Variants in GRIK2 observed in about 807,000 individuals in gnomAD.
GRIK2 encodes glutamate ionotropic receptor kainate type subunit 2, also known as glutamate receptor ionotropic, kainate 2.
A neutral mutation model predicts 100.3 loss-of-function variants in GRIK2; 32 were observed. The observed-to-expected ratio is 0.32, with a 90% CI of 0.24 to 0.43. The LOEUF is 0.43. Among genes scored for constraint, GRIK2 ranks in the 20% least tolerant of loss-of-function variants. The pLI is 1.00. For missense variants in GRIK2, 843 were observed against 1,114.9 expected, an observed-to-expected ratio of 0.76 and a Z score of 3.47; for synonymous variants, 417 against 389.4, an observed-to-expected ratio of 1.07 and a Z score of -0.83.
chr6:101,489,437 C>G (rs1299613504), intron 2 of GRIK2, among the ~76,000 whole-genome samples: 1 of 145,910 alleles, frequency 6.9e-6, no homozygotes, highest in South Asian at 2.2e-4. Context: ...TTATCCTCCC[C>G]CCGCCCGCCC....
chr6:101,749,249 C>T (rs1776630981), intron 7 of GRIK2, among the ~76,000 whole-genome samples: 1 of 152,068 alleles, frequency 6.6e-6, no homozygotes, highest in African/African-American at 2.4e-5. Flanking sequence ...ACTGGGATTA[C>T]AAGTGCCCAC....
At chr6:101,692,771 T>C (rs1439048072) in intron 7 of GRIK2, among the ~76,000 whole-genome samples, 3 of 152,090 alleles carry the variant, frequency 2.0e-5, no homozygotes, top group East Asian at 1.9e-4. Flanking sequence ...ATGTTATAAC[T>C]ACTAGCCTTA....
At position 102,011,869 on chromosome 6, in the gene GRIK2, G is replaced by C. The variant is rs563945552; in HGVS notation, c.2086-23472G>C. Among the ~76,000 whole-genome samples the C allele has an allele frequency of 1.2e-4, 19 of 152,114 alleles. No individual in the cohort carries two copies. The East Asian group carries it at 3.5e-3, about 28-fold the overall frequency. On this transcript the variant is annotated intron_variant, in intron 14 of 16. Transcript: ENST00000369134. ...CCAAAGGGCTGGGATTAACAGGCGTGAGCCACCACGCCAGGCCCAAGTTAT... is the reference window on the plus strand; with the variant it reads ...CCAAAGGGCTGGGATTAACAGGCGTCAGCCACCACGCCAGGCCCAAGTTAT...
Position 101,806,219 on chromosome 6 carries a change from C to T in GRIK2, c.1203+3781C>T, listed in dbSNP as rs537052520. 4.6e-5 allele frequency among the ~76,000 whole-genome samples: 7 copies of T among 152,060 alleles called. No homozygotes were observed. The East Asian group carries it at 1.4e-3, about 29-fold the overall frequency. Reference sequence around the variant, plus strand: ...AGGCAATACTTTTGCTTATGAGAGGCTGGTATTGAGCACTCAGGAACAGGA... The same window carrying T: ...AGGCAATACTTTTGCTTATGAGAGGTTGGTATTGAGCACTCAGGAACAGGA... On this transcript the variant is annotated intron_variant, in intron 9 of 16. Transcript: ENST00000369134.
intron 2 of GRIK2, among the ~76,000 whole-genome samples, chr6:101,564,452 A>G (rs753430596): frequency 2.6e-5 from 4 of 152,186 alleles, no homozygotes; most frequent in Non-Finnish European, 4.4e-5. Flanking sequence ...CATCAACTGA[A>G]ATGGCAAAGG....
intron 2 of GRIK2, among the ~76,000 whole-genome samples, chr6:101,472,352 C>T (rs905983676): frequency 2.0e-5 from 3 of 151,696 alleles, no homozygotes; most frequent in African/African-American, 4.8e-5. Context: ...AAAGGTGCTA[C>T]AGATTACCTT....
At chr6:101,856,975 T>G (rs1784456588) in intron 10 of GRIK2, among the ~76,000 whole-genome samples, 1 of 152,054 alleles carries the variant, frequency 6.6e-6, no homozygotes, top group African/African-American at 2.4e-5. Context: ...TAGTCAAATA[T>G]TTGAAAAGTA....
chr6:102,049,683 A>G (rs1320363168), intron 15 of GRIK2, among the ~76,000 whole-genome samples: 2 of 152,174 alleles, frequency 1.3e-5, no homozygotes, highest in East Asian at 3.9e-4. Context: ...ACAGAAGTGC[A>G]TGTGGGAATA....
chr6:101,858,670 C>T (rs1332250581), intron 10 of GRIK2, among the ~76,000 whole-genome samples: 3 of 151,828 alleles, frequency 2.0e-5, no homozygotes, highest in African/African-American at 7.3e-5. Context: ...ATTACAGGTG[C>T]AAGCCATGGT....
intron 2 of GRIK2, among the ~76,000 whole-genome samples, chr6:101,591,472 A>G (rs1778635552): frequency 2.0e-5 from 3 of 152,004 alleles, no homozygotes. Flanking sequence ...ATGAAATATT[A>G]AACTATGAAC....
intron 7 of GRIK2, among the ~76,000 whole-genome samples, chr6:101,712,198 T>C (rs1225997394): frequency 6.6e-6 from 1 of 151,832 alleles, no homozygotes; most frequent in Non-Finnish European, 1.5e-5. Context: ...TTTTGGGCCA[T>C]AGGATCATAG....
At chr6:101,560,598 A>G (rs1562226598) in intron 2 of GRIK2, among the ~76,000 whole-genome samples, 1 of 152,256 alleles carries the variant, frequency 6.6e-6, no homozygotes, top group Non-Finnish European at 1.5e-5. Context: ...TAATTAAACA[A>G]CAATATATAC....
chr6:101,908,036 T>C (rs1292205904), intron 12 of GRIK2, among the ~76,000 whole-genome samples: 1 of 151,770 alleles, frequency 6.6e-6, no homozygotes, highest in Non-Finnish European at 1.5e-5. Context: ...CTCTTCCTAC[T>C]GTTTCAGTAG....
At chr6:101,533,963 T>G (rs911169557) in intron 2 of GRIK2, among the ~76,000 whole-genome samples, 4 of 151,868 alleles carry the variant, frequency 2.6e-5, no homozygotes, top group Non-Finnish European at 5.9e-5. Context: ...TCATACACCC[T>G]CTTTCCTTTC....
chr6:102,049,525 T>C (rs1035731229), intron 15 of GRIK2, among the ~76,000 whole-genome samples: 7 of 152,184 alleles, frequency 4.6e-5, no homozygotes, highest in African/African-American at 1.7e-4. Context: ...TAATTTTTTC[T>C]GTTCTTTCCT....
intron 2 of GRIK2, among the ~76,000 whole-genome samples, chr6:101,455,483 C>A (rs1770953177): frequency 6.6e-6 from 1 of 151,926 alleles, no homozygotes; most frequent in Admixed American, 6.6e-5. Flanking sequence ...GTTCCTATCA[C>A]CCTGCTTCTA....
At chr6:101,682,889 T>C (rs916783692) in intron 6 of GRIK2, among the ~76,000 whole-genome samples, 7 of 152,144 alleles carry the variant, frequency 4.6e-5, no homozygotes, top group African/African-American at 1.7e-4. Flanking sequence ...ATTAGTTTCC[T>C]GAGAAATCAG....
intron 14 of GRIK2, among the ~76,000 whole-genome samples, chr6:101,956,802 T>TATAC (rs1562510087): frequency 6.8e-6 from 1 of 147,920 alleles, no homozygotes; most frequent in African/African-American, 2.4e-5. Context: ...CTTATATATA[T>TATAC]CAATAAAAAT....
intron 7 of GRIK2, among the ~76,000 whole-genome samples, chr6:101,730,137 T>C (rs1186172638): frequency 2.0e-5 from 3 of 151,996 alleles, no homozygotes; most frequent in African/African-American, 7.2e-5. Flanking sequence ...CAGTTTACTT[T>C]GGCAGAATCT....
Sources: gnomAD v4.1 joint callset for allele counts (sites outside exome capture counted in the v4.1 genomes callset) on GRCh38, gnomAD v4.1.1 for gene constraint, MANE v1.5 for transcripts, NCBI Gene and HGNC (gene_info 2026-07-23, HGNC 2026-07-21) for gene names.